HDAC9: variants seen among roughly 807,000 people sequenced by gnomAD.
HDAC9 encodes the protein histone deacetylase 9.
Under a neutral mutation model 139.4 loss-of-function variants are expected in HDAC9, and 41 were observed. The ratio of observed to expected loss-of-function variants is 0.29; its 90% confidence interval spans 0.23 to 0.38. HDAC9 has a LOEUF of 0.38. HDAC9 is among the 10% of genes least tolerant of loss of function. The pLI is 1.00. For synonymous variants in HDAC9, 517 were observed against 476.2 expected, an observed-to-expected ratio of 1.09 and a Z score of -1.12; for missense variants, 1,147 against 1,297.0, an observed-to-expected ratio of 0.88 and a Z score of 1.78.
At chr7:18,672,174 A>G (rs868485430) in intron 12 of HDAC9, among the ~76,000 whole-genome samples, 5 of 151,984 alleles carry the variant, frequency 3.3e-5, no homozygotes, top group East Asian at 1.9e-4. Flanking sequence ...CCTGCTAGCA[A>G]TGTATGAGGG....
In HDAC9 at chr7:18,569,887, A is replaced by C. The variant is rs73062341; in HGVS notation, c.23-15394A>C. On this transcript the variant is annotated intron_variant, in intron 2 of 25. Transcript: ENST00000686413. ...AAAACTGAAGGAAAAAAAATAGACC[A>C]TCACAGTCTATCTTTTCAAATCTTT... Among the ~76,000 whole-genome samples, 291 of 152,272 alleles carry C rather than the reference A, an allele frequency of 1.9e-3. 2 individuals carry two copies. Among genetic ancestry groups the C allele is most frequent in the Middle Eastern group, 3.4e-3 (1 of 294 alleles).
chr7:18,093,528 A>G (rs1782304778), intron 1 of HDAC9, among the ~76,000 whole-genome samples: 1 of 152,332 alleles, frequency 6.6e-6, no homozygotes, highest in Middle Eastern at 3.4e-3. Flanking sequence ...GGAAGTACAT[A>G]TTATAGGTCT....
At chr7:18,554,116 A>T (rs1817985854) in intron 2 of HDAC9, among the ~76,000 whole-genome samples, 2 of 152,186 alleles carry the variant, frequency 1.3e-5, no homozygotes, top group African/African-American at 4.8e-5. Flanking sequence ...GATGTCCTCT[A>T]GAGAAGGTAT....
At chr7:18,496,123 T>C in intron 1 of HDAC9, 100 bp downstream of exon 1, 1 of 1,410,328 alleles carries the variant, frequency 7.1e-7, no homozygotes, top group Non-Finnish European at 9.7e-7. Flanking sequence ...CTGCTTCTCC[T>C]CAGGGAGGAG....
intron 1 of HDAC9, among the ~76,000 whole-genome samples, chr7:18,426,246 G>A (rs1790102151): frequency 6.6e-6 from 1 of 152,120 alleles, no homozygotes; most frequent in Admixed American, 6.5e-5. Flanking sequence ...TTTGTTCATA[G>A]CAATCTCTGA....
chr7:18,862,777 G>A (rs894817393), intron 21 of HDAC9, among the ~76,000 whole-genome samples: 13 of 152,010 alleles, frequency 8.6e-5, no homozygotes, highest in Non-Finnish European at 1.8e-4. Context: ...TAAAAATAGG[G>A]CAAGATAAGA....
chr7:18,102,348 G>A (rs1424866628), intron 1 of HDAC9, among the ~76,000 whole-genome samples: 1 of 152,210 alleles, frequency 6.6e-6, no homozygotes, highest in Admixed American at 6.5e-5. Flanking sequence ...TGTTAAGCAT[G>A]GCAAGAAGAC....
chr7:18,111,993 G>A (rs1490594588), intron 1 of HDAC9, among the ~76,000 whole-genome samples: 2 of 151,846 alleles, frequency 1.3e-5, no homozygotes, highest in East Asian at 3.9e-4. Context: ...ATGCAAGCTG[G>A]TTGTTAAAAT....
intron 2 of HDAC9, among the ~76,000 whole-genome samples, chr7:18,200,753 A>G (rs1461260806): frequency 6.6e-6 from 1 of 152,194 alleles, no homozygotes; most frequent in African/African-American, 2.4e-5. Flanking sequence ...TTTTTCTCAG[A>G]GGTCTCTTTC....
chr7:18,373,946 A>G (rs1183544880), intron 1 of HDAC9, among the ~76,000 whole-genome samples: 1 of 152,092 alleles, frequency 6.6e-6, no homozygotes, highest in Non-Finnish European at 1.5e-5. Context: ...AAGTACTTCT[A>G]AAAATAATGG....
At chr7:18,669,907 C>A (rs1303105909) in intron 12 of HDAC9, among the ~76,000 whole-genome samples, 1 of 151,744 alleles carries the variant, frequency 6.6e-6, no homozygotes, top group Non-Finnish European at 1.5e-5. Flanking sequence ...TGCTACTTTT[C>A]ATAGATCTGA....
intron 1 of HDAC9, among the ~76,000 whole-genome samples, chr7:18,152,893 G>A (rs1367977690): frequency 6.6e-6 from 1 of 152,158 alleles, no homozygotes; most frequent in Admixed American, 6.5e-5. Context: ...TTTACAAATT[G>A]GTGTATTCTG....
chr7:18,260,924 C>T (rs957721121), intron 2 of HDAC9, among the ~76,000 whole-genome samples: 14 of 152,050 alleles, frequency 9.2e-5, no homozygotes, highest in African/African-American at 1.9e-4. Context: ...AGGTAACAGT[C>T]GGTATGTTAA....
rs138667215 is a variant in HDAC9, at chr7:18,601,047, T to C, written c.664+7018T>C. On this transcript the variant is annotated intron_variant, in intron 6 of 25. Transcript: ENST00000686413. The stretch of plus-strand genomic sequence containing the variant: ...ACTGGGACTTTAACTGGGATTATGC[T>C]GAATCTAAAGGTCAAGTTGAGAATA... Among the ~76,000 whole-genome samples, 741 of 152,308 alleles carry C rather than the reference T, an allele frequency of 4.9e-3. 3 individuals are homozygous for C. Among genetic ancestry groups the C allele is most frequent in the African/African-American group, 0.017 (701 of 41,576 alleles).
chr7:18,522,121 G>C (rs145496891), intron 2 of HDAC9, among the ~76,000 whole-genome samples: 1 of 152,222 alleles, frequency 6.6e-6, no homozygotes, highest in East Asian at 1.9e-4. Context: ...AATTAACACC[G>C]CGAGAAATGT....
intron 1 of HDAC9, among the ~76,000 whole-genome samples, chr7:18,362,387 G>A (rs986563123): frequency 1.3e-5 from 2 of 152,058 alleles, no homozygotes; most frequent in Non-Finnish European, 2.9e-5. Context: ...AACAATCATG[G>A]TAACTTAAAA....
intron 2 of HDAC9, among the ~76,000 whole-genome samples, chr7:18,574,265 C>G (rs1447550561): frequency 6.6e-6 from 1 of 152,188 alleles, no homozygotes; most frequent in African/African-American, 2.4e-5. Flanking sequence ...GCTCCTTCCC[C>G]CAGTCAGTAG....
chr7:18,238,838 T>A (rs1793999631), intron 2 of HDAC9, among the ~76,000 whole-genome samples: 2 of 152,208 alleles, frequency 1.3e-5, no homozygotes. Context: ...CATAATCTAA[T>A]AATTAATTGT....
At chr7:18,844,447 T>C (rs145164893) in intron 21 of HDAC9, among the ~76,000 whole-genome samples, 2 of 152,320 alleles carry the variant, frequency 1.3e-5, no homozygotes, top group African/African-American at 4.8e-5. Flanking sequence ...AATTTGAAGA[T>C]ATTTTTACAT....
Sources: gnomAD v4.1 joint callset for allele counts (sites outside exome capture counted in the v4.1 genomes callset) on GRCh38, gnomAD v4.1.1 for gene constraint, MANE v1.5 for transcripts, NCBI Gene and HGNC (gene_info 2026-07-23, HGNC 2026-07-21) for gene names.